SHISA9: variants seen among roughly 807,000 people sequenced by gnomAD.
SHISA9 encodes the protein protein shisa-9.
A neutral mutation model predicts 38.0 loss-of-function variants in SHISA9; 13 were observed. The ratio of observed to expected loss-of-function variants is 0.34; its 90% CI spans 0.22 to 0.54. The LOEUF (loss-of-function observed/expected upper bound fraction) is 0.54, where lower values mean the gene tolerates loss of function less well. Ranked by LOEUF, SHISA9 falls within the 20% of genes least tolerant of loss-of-function variation. The probability of loss-of-function intolerance (pLI) is 0.91; values close to 1 mark genes in which losing one functional copy is unlikely to be tolerated. For synonymous variants in SHISA9, 275 were observed against 242.0 expected (o/e 1.14, Z -1.27); for missense variants, 538 against 575.8 (o/e 0.93, Z 0.67).
At chr16:13,114,188 T>C (rs996080574) in intron 2 of SHISA9, among the ~76,000 whole-genome samples, 32 of 152,108 alleles carry the variant, frequency 2.1e-4, no homozygotes, top group East Asian at 5.8e-4. Context: ...CGAAAAAGGC[T>C]GGGCGTGGTG....
chr16:12,997,192 C>A (rs1372873745), intron 2 of SHISA9, among the ~76,000 whole-genome samples: 1 of 151,968 alleles, frequency 6.6e-6, no homozygotes, highest in African/African-American at 2.4e-5. Flanking sequence ...AGTAGTTTTG[C>A]ATGGTCCTGA....
At chr16:13,247,455 A>G in the SHISA9 span, among the ~76,000 whole-genome samples, 1 of 152,194 alleles carries the variant, frequency 6.6e-6, no homozygotes, top group African/African-American at 2.4e-5. Flanking sequence ...GTCTTACTCA[A>G]GGTCACAGAG....
At chr16:13,115,296 C>T (rs2074021273) in intron 2 of SHISA9, among the ~76,000 whole-genome samples, 1 of 152,180 alleles carries the variant, frequency 6.6e-6, no homozygotes, top group African/African-American at 2.4e-5. Flanking sequence ...TCAGGGGTCT[C>T]ACAGCCTTCA....
chr16:13,012,772 C>T (rs2072693930), intron 2 of SHISA9, among the ~76,000 whole-genome samples: 2 of 152,128 alleles, frequency 1.3e-5, no homozygotes, highest in African/African-American at 2.4e-5. Flanking sequence ...CACCACTTGC[C>T]CATTACTGCT....
In SHISA9 at chr16:13,173,514, G is replaced by A. The variant is rs561005949; in HGVS notation, c.692-29880G>A. Reference sequence around the variant, plus strand: ...AAGAGGACACTGTTTCTGCCCGCGTGGACCTAACAATCTAGATCAGCAGTT... The same window carrying A: ...AAGAGGACACTGTTTCTGCCCGCGTAGACCTAACAATCTAGATCAGCAGTT... On this transcript the variant is annotated intron_variant, in intron 2 of 4. Coordinates refer to ENST00000558583, the MANE Select transcript of SHISA9 (RefSeq NM_001145204.3). Among the ~76,000 whole-genome samples the A allele has an allele frequency of 1.2e-4, 18 of 152,164 alleles. 1 individual carries two copies. Among genetic ancestry groups the A allele is most frequent in the African/African-American group, 3.9e-4 (16 of 41,504 alleles).
At position 13,238,110 on chromosome 16, in the gene SHISA9, T is replaced by A. The variant is rs2051403000; in HGVS notation, c.*2701T>A. The A allele has an allele frequency of 6.6e-6, 1 of 152,222 alleles. No homozygotes were observed. The highest frequency in any genetic ancestry group is 1.5e-5 in the Non-Finnish European group (1 of 68,032). 9.4% of individuals were successfully genotyped at this position (152,222 alleles called of 1,614,324 possible). A position where few individuals can be genotyped will look rare whatever the true frequency, so the allele number is the denominator to read the frequency against. ...GAGTCTGAACTAAAGCCTGGGGTTC[T>A]TTCTTTCTCTCTCCATCTCTCTGTT... On this transcript the variant is annotated 3_prime_UTR_variant, in exon 5 of 5. Coordinates refer to ENST00000558583, the MANE Select transcript of SHISA9 (RefSeq NM_001145204.3).
chr16:13,420,266 A>AG, the SHISA9 span, among the ~76,000 whole-genome samples: 1 of 150,646 alleles, frequency 6.6e-6, no homozygotes, highest in Non-Finnish European at 1.5e-5. Context: ...AAAAAAAAAA[A>AG]AAAAAAAGGT....
the SHISA9 span, among the ~76,000 whole-genome samples, chr16:13,548,715 A>G: frequency 2.3e-4 from 35 of 152,094 alleles, no homozygotes; most frequent in Admixed American, 8.5e-4. Context: ...AATAACAAAC[A>G]CTGCCAGAGA....
chr16:13,447,164 C>G, the SHISA9 span, among the ~76,000 whole-genome samples: 1 of 152,044 alleles, frequency 6.6e-6, no homozygotes, highest in Non-Finnish European at 1.5e-5. Context: ...GAATGTTCAC[C>G]CAGAAGCTGA....
At chr16:12,999,865 C>T (rs1306340222) in intron 2 of SHISA9, among the ~76,000 whole-genome samples, 4 of 152,198 alleles carry the variant, frequency 2.6e-5, no homozygotes, top group African/African-American at 9.6e-5. Flanking sequence ...ACATCACTTT[C>T]TCTCACATTC....
At chr16:13,052,170 A>T (rs1254937881) in intron 2 of SHISA9, among the ~76,000 whole-genome samples, 1 of 152,226 alleles carries the variant, frequency 6.6e-6, no homozygotes, top group Non-Finnish European at 1.5e-5. Context: ...AAAAGTAATA[A>T]TAATCCAAGA....
At chr16:13,042,799 T>G (rs1236246230) in intron 2 of SHISA9, among the ~76,000 whole-genome samples, 1 of 152,172 alleles carries the variant, frequency 6.6e-6, no homozygotes, top group Admixed American at 6.5e-5. Flanking sequence ...TTTACTTGTT[T>G]ATTGTCGGTC....
At position 13,239,778 on chromosome 16, in the gene SHISA9, G is replaced by C. The variant is rs1035199771; in HGVS notation, c.*4369G>C. ...GGTTGCGAAAATTTTCTCCCATTTTGTAGGTTGCCTGTTCACTCTGATGGT... is the reference window on the plus strand; with the variant it reads ...GGTTGCGAAAATTTTCTCCCATTTTCTAGGTTGCCTGTTCACTCTGATGGT... On this transcript the variant is annotated 3_prime_UTR_variant, in exon 5 of 5. Coordinates refer to ENST00000558583, the MANE Select transcript of SHISA9 (RefSeq NM_001145204.3). The C allele has an allele frequency of 6.6e-6, 1 of 151,926 alleles. No homozygotes were observed. Among genetic ancestry groups the C allele is most frequent in the Non-Finnish European group, 1.5e-5 (1 of 67,970 alleles). 9.4% of individuals were successfully genotyped at this position (151,926 alleles called of 1,614,324 possible). A position where few individuals can be genotyped will look rare whatever the true frequency, so the allele number is the denominator to read the frequency against.
chr16:13,477,558 G>A, the SHISA9 span, among the ~76,000 whole-genome samples: 1 of 152,268 alleles, frequency 6.6e-6, no homozygotes, highest in South Asian at 2.1e-4. Context: ...GGCCCCAAAG[G>A]CAAGTCATTT....
chr16:13,504,318 C>T, the SHISA9 span, among the ~76,000 whole-genome samples: 3 of 152,218 alleles, frequency 2.0e-5, no homozygotes. Context: ...ATTTATGCGT[C>T]ATTTAACTGA....
downstream of SHISA9, among the ~76,000 whole-genome samples, chr16:13,242,397 C>A (rs1380952101): frequency 6.6e-6 from 1 of 152,146 alleles, no homozygotes; most frequent in African/African-American, 2.4e-5. Context: ...TAGAGTGGCC[C>A]CTGGACCCTA....
At chr16:12,981,060 C>T (rs2072233777) in intron 2 of SHISA9, among the ~76,000 whole-genome samples, 1 of 152,096 alleles carries the variant, frequency 6.6e-6, no homozygotes, top group Non-Finnish European at 1.5e-5. Context: ...GTTTTTCTTT[C>T]AAAATGATTG....
At chr16:13,383,128 C>G in the SHISA9 span, among the ~76,000 whole-genome samples, 1 of 152,096 alleles carries the variant, frequency 6.6e-6, no homozygotes, top group African/African-American at 2.4e-5. Context: ...TCAAGCGATA[C>G]AAAATGCTAC....
At chr16:13,401,467 G>T in the SHISA9 span, among the ~76,000 whole-genome samples, 12 of 152,330 alleles carry the variant, frequency 7.9e-5, no homozygotes, top group East Asian at 2.3e-3. Context: ...TGTTCCCCCA[G>T]TGTTTGCATA....
Sources: gnomAD v4.1 joint callset for allele counts (sites outside exome capture counted in the v4.1 genomes callset) on GRCh38, gnomAD v4.1.1 for gene constraint, MANE v1.5 for transcripts, NCBI Gene and HGNC (gene_info 2026-07-23, HGNC 2026-07-21) for gene names.